DHX33: variants seen among roughly 807,000 people sequenced by gnomAD.
The protein encoded by DHX33 is ATP-dependent RNA helicase DHX33.
Under a neutral mutation model 72.5 loss-of-function variants are expected in DHX33, and 42 were observed. The ratio of observed to expected loss-of-function variants is 0.58; its 90% CI spans 0.45 to 0.75. The LOEUF (loss-of-function observed/expected upper bound fraction) is 0.75, where lower values mean the gene tolerates loss of function less well. Ranked by LOEUF, DHX33 falls within the 30% of genes least tolerant of loss-of-function variation. The pLI is 0.00. For missense variants in DHX33, 842 were observed against 917.5 expected (o/e 0.92, Z 1.06); for synonymous variants, 358 against 366.1 (o/e 0.98, Z 0.25).
At chr17:5,453,295 G>C (rs906661397) in intron 8 of DHX33, among the ~76,000 whole-genome samples, 1 of 152,066 alleles carries the variant, frequency 6.6e-6, no homozygotes, top group East Asian at 1.9e-4. Flanking sequence ...AGGCTGAGGC[G>C]GGGGGATCGC....
At chr17:5,463,379 C>T (rs1387326029) in intron 2 of DHX33, 150 bp downstream of exon 2, 3 of 816,374 alleles carry the variant, frequency 3.7e-6, no homozygotes, top group Non-Finnish European at 5.8e-6. Context: ...CCCCTGATCT[C>T]TCAGGAGCTG....
intron 1 of DHX33, among the ~76,000 whole-genome samples, chr17:5,465,952 T>TC (rs1362207873): frequency 7.2e-5 from 11 of 152,116 alleles, no homozygotes; most frequent in African/African-American, 2.7e-4. Flanking sequence ...CTCTTAGCCT[T>TC]CCTCCTCTTC....
At chr17:5,457,803 G>A (rs1335090947) in intron 4 of DHX33, among the ~76,000 whole-genome samples, 2 of 152,078 alleles carry the variant, frequency 1.3e-5, no homozygotes, top group African/African-American at 4.8e-5. Flanking sequence ...TCATGAGTGG[G>A]AGAATTCATC....
intron 11 of DHX33, among the ~76,000 whole-genome samples, chr17:5,445,593 G>T (rs1916628511): frequency 6.6e-6 from 1 of 152,224 alleles, no homozygotes. Context: ...GGGCACAGAT[G>T]AACAAACCAG....
At position 5,444,442 on chromosome 17, in the gene DHX33, G is replaced by C. The variant is rs141401019; in HGVS notation, c.1887C>G (p.Phe629Leu). The C allele has an allele frequency of 4.0e-4, 640 of 1,614,110 alleles. No homozygotes were observed. The highest frequency in any genetic ancestry group is 5.3e-4 in the Non-Finnish European group (622 of 1,180,050). Residue 629 changes from phenylalanine to leucine, a missense_variant, in exon 12 of 12, where the codon TTC becomes TTG. Transcript: ENST00000225296. This position sits in a 1 kb window ranked among gnomAD's most constrained non-coding sequence, Gnocchi z 4.9. ...CTGGCTGAAGCTCGGCGGTGCTCAT[G>C]AAGAGGCTGTGAGCCAGGCAGCGGC... is the stretch of plus-strand genomic sequence containing the variant. ...SVRRCLAHSL[F>L]MSTAELQPDG...
chr17:5,458,026 GA>G (rs1904401399), intron 4 of DHX33, among the ~76,000 whole-genome samples: 1 of 152,148 alleles, frequency 6.6e-6, no homozygotes, highest in Non-Finnish European at 1.5e-5. Flanking sequence ...CTAGAGGGAG[GA>G]AACTACAAAT....
chr17:5,450,753 G>C, intron 9 of DHX33, 54 bp downstream of exon 9: 4 of 1,610,958 alleles, frequency 2.5e-6, no homozygotes, highest in Non-Finnish European at 3.4e-6. Context: ...GTACTACTTT[G>C]GGACGGTTAA....
intron 4 of DHX33, among the ~76,000 whole-genome samples, chr17:5,456,586 C>G (rs2151688182): frequency 6.6e-6 from 1 of 152,128 alleles, no homozygotes; most frequent in South Asian, 2.1e-4. Flanking sequence ...GAACCTGACT[C>G]AAAAACACAA....
intron 1 of DHX33, among the ~76,000 whole-genome samples, chr17:5,467,865 GA>G (rs1904947248): frequency 6.6e-6 from 1 of 152,170 alleles, no homozygotes; most frequent in Non-Finnish European, 1.5e-5. Context: ...TTTAACTAAA[GA>G]AAAGCTGTCT....
At chr17:5,461,303 CTTCT>C (rs199685469) in intron 3 of DHX33, 194 bp from the exon 4 acceptor site, 32,861 of 431,798 alleles carry the variant, frequency 0.076, 1,175 homozygotes, top group African/African-American at 0.16. Flanking sequence ...CTTTCCTTTC[CTTCT>C]TTTTTTTTTT....
chr17:5,468,418 CT>C (rs1904975249), intron 1 of DHX33, among the ~76,000 whole-genome samples, 152 bp downstream of exon 1: 2 of 152,270 alleles, frequency 1.3e-5, no homozygotes, highest in African/African-American at 4.8e-5. Context: ...CTGCCGGACT[CT>C]TCTTCGAGGC....
intron 8 of DHX33, 51 bp from the exon 9 acceptor site, chr17:5,450,985 T>C (rs1916881219): frequency 1.3e-6 from 2 of 1,598,060 alleles, no homozygotes; most frequent in Non-Finnish European, 1.7e-6. Context: ...AAAATGAAGT[T>C]GCAGCTAGTT....
At position 5,443,283 on chromosome 17, in the gene DHX33, G is replaced by A. The variant is rs535185013; in HGVS notation, c.*922C>T. The A allele has an allele frequency of 6.8e-6, 1 of 146,798 alleles. No individual in the cohort carries two copies. Among genetic ancestry groups the A allele is most frequent in the Non-Finnish European group, 1.5e-5 (1 of 67,210 alleles). 9.1% of individuals were successfully genotyped at this position (146,798 alleles called of 1,614,324 possible). On this transcript the variant is annotated 3_prime_UTR_variant, in exon 12 of 12. Transcript: ENST00000225296. ...TGCCCGAAAAGAAACAGCTGAAATG[G>A]TACACAGTCACTCCTCATGCCCGCA... is the stretch of plus-strand genomic sequence containing the variant.
chr17:5,451,062 C>A, intron 8 of DHX33, 128 bp from the exon 9 acceptor site: 1 of 1,024,284 alleles, frequency 9.8e-7, no homozygotes, highest in Non-Finnish European at 1.4e-6. Context: ...CGCCACTGCC[C>A]CCTTGACACA....
chr17:5,467,459 T>C (rs1198529671), intron 1 of DHX33, among the ~76,000 whole-genome samples: 1 of 152,126 alleles, frequency 6.6e-6, no homozygotes, highest in Non-Finnish European at 1.5e-5. Context: ...AAGCCCCTCA[T>C]TCAAAAGTTC....
rs1295117066 is a variant in DHX33, at chr17:5,442,698, T to TG, written c.*1506dup. The TG allele has an allele frequency of 1.3e-5, 2 of 152,318 alleles. No individual in the cohort carries two copies. Among genetic ancestry groups the TG allele is most frequent in the African/African-American group, 4.8e-5 (2 of 41,560 alleles). The allele number at this position is 152,318 out of a possible 1,614,324, so 9.4% of individuals were successfully genotyped here. ...TCTCTGAAGAGCCTCTTGGGCAGCT[T>TG]GGCCCCTGGTTATAACTATGATTCA... On this transcript the variant is annotated 3_prime_UTR_variant, in exon 12 of 12. Transcript: ENST00000225296.
intron 1 of DHX33, among the ~76,000 whole-genome samples, chr17:5,465,672 T>A (rs1315056830): frequency 6.6e-6 from 1 of 152,198 alleles, no homozygotes; most frequent in Admixed American, 6.5e-5. Context: ...CCACCTATAA[T>A]CTGGCTGTGC....
At chr17:5,455,343 AC>A in intron 5 of DHX33, 72 bp from the exon 6 acceptor site, 1 of 1,225,988 alleles carries the variant, frequency 8.2e-7, no homozygotes, top group Non-Finnish European at 1.2e-6. Context: ...ACATATTCTC[AC>A]CATTAACTTC....
chr17:5,450,537 T>C (rs931113404), intron 9 of DHX33, 131 bp from the exon 10 acceptor site: 24 of 1,004,668 alleles, frequency 2.4e-5, no homozygotes, highest in Non-Finnish European at 3.2e-5. Flanking sequence ...ACCATGGCGA[T>C]GTACATTAGT....
Sources: allele counts gnomAD v4.1 joint callset (sites outside exome capture counted in the v4.1 genomes callset), GRCh38; gene constraint gnomAD v4.1.1; non-coding constraint Gnocchi (gnomAD v3.1); transcripts MANE v1.5; gene names NCBI Gene and HGNC (gene_info 2026-07-23, HGNC 2026-07-21).